Variants in KIDINS220 observed in about 807,000 individuals in gnomAD.
KIDINS220 encodes the protein kinase D-interacting substrate of 220 kDa.
Under a neutral mutation model 157.6 loss-of-function variants are expected in KIDINS220, and 63 were observed. The observed-to-expected ratio is 0.40, with a 90% CI of 0.33 to 0.49. KIDINS220 has a LOEUF of 0.49. KIDINS220 is among the 20% of genes least tolerant of loss of function. The pLI is 0.66. For synonymous variants in KIDINS220, 732 were observed against 783.6 expected (o/e 0.93, Z 1.10); for missense variants, 1,772 against 2,171.2 (o/e 0.82, Z 3.65).
intron 1 of KIDINS220, among the ~76,000 whole-genome samples, chr2:8,831,726 G>A (rs1679650689): frequency 6.6e-6 from 1 of 152,230 alleles, no homozygotes; most frequent in Admixed American, 6.5e-5. Context: ...CACAACAGGA[G>A]GTGAGAGAGA....
chr2:8,723,314 A>G (rs1022071316), downstream of KIDINS220: 3 of 152,298 alleles, frequency 2.0e-5, no homozygotes, highest in Non-Finnish European at 2.9e-5. Context: ...GTGGGTGCAG[A>G]AGGCGGGGCA....
intron 8 of KIDINS220, among the ~76,000 whole-genome samples, chr2:8,800,933 G>C (rs909882384): frequency 6.6e-6 from 1 of 152,126 alleles, no homozygotes; most frequent in African/African-American, 2.4e-5. Flanking sequence ...GAGCTATAAA[G>C]CTAAAACTAT....
rs545077487 is a variant in KIDINS220, at chr2:8,831,954, G to A, written c.-36-4825C>T. Among the ~76,000 whole-genome samples the A allele has an allele frequency of 1.2e-4, 19 of 152,312 alleles. No individual in the cohort carries two copies. The South Asian group carries it at 1.4e-3, about 12-fold the overall frequency. ...CAAAATGCCCAAACATCTTCCTATC[G>A]TGGCTAATATGAAGCATTGCTGCTT... is the stretch of plus-strand genomic sequence containing the variant. On this transcript the variant is annotated intron_variant, in intron 1 of 29. Coordinates refer to ENST00000256707, the MANE Select transcript of KIDINS220 (RefSeq NM_020738.4).
intron 24 of KIDINS220, among the ~76,000 whole-genome samples, chr2:8,748,616 T>TA (rs1666895356): frequency 1.3e-5 from 2 of 152,206 alleles, no homozygotes; most frequent in South Asian, 4.1e-4. Flanking sequence ...CAGCTTCATA[T>TA]AAACAGAAGA....
intron 1 of KIDINS220, among the ~76,000 whole-genome samples, chr2:8,832,858 C>T (rs1679848787): frequency 6.6e-6 from 1 of 152,072 alleles, no homozygotes; most frequent in Admixed American, 6.5e-5. Flanking sequence ...TTACTACTGA[C>T]CATTATATCA....
chr2:8,755,853 C>T (rs1315977991), intron 22 of KIDINS220, among the ~76,000 whole-genome samples: 1 of 152,212 alleles, frequency 6.6e-6, no homozygotes, highest in South Asian at 2.1e-4. Context: ...CATCCTCATG[C>T]CTGTGACACA....
chr2:8,727,134 G>A (rs189906013), downstream of KIDINS220: 22 of 1,121,594 alleles, frequency 2.0e-5, no homozygotes, highest in African/African-American at 1.8e-4. Context: ...GGTAGGGAAG[G>A]ATAGGGAGTA....
chr2:8,747,331 T>C, intron 25 of KIDINS220, 130 bp from the exon 26 acceptor site: 1 of 778,900 alleles, frequency 1.3e-6, no homozygotes, highest in East Asian at 2.5e-5. Context: ...TGCCTCCTGA[T>C]TTATAAAAAC....
At chr2:8,779,199 C>A in intron 18 of KIDINS220, 60 bp from the exon 19 acceptor site, 1 of 1,566,758 alleles carries the variant, frequency 6.4e-7, no homozygotes, top group Non-Finnish European at 8.7e-7. Context: ...AAGAATAAGG[C>A]ATCTCTTCAA....
At chr2:8,778,136 G>A (rs1671221146) in intron 20 of KIDINS220, among the ~76,000 whole-genome samples, 1 of 152,178 alleles carries the variant, frequency 6.6e-6, no homozygotes, top group African/African-American at 2.4e-5. Context: ...AAGATGGGGA[G>A]GTCAGGGACA....
intron 15 of KIDINS220, 86 bp from the exon 16 acceptor site, chr2:8,786,443 C>G (rs144085899): frequency 4.7e-6 from 5 of 1,053,174 alleles, no homozygotes; most frequent in African/African-American, 1.6e-5. Context: ...ATCACTTACC[C>G]TTTATTTTCT....
At chr2:8,768,895 GA>G (rs1414003397) in intron 22 of KIDINS220, among the ~76,000 whole-genome samples, 1 of 151,944 alleles carries the variant, frequency 6.6e-6, no homozygotes, top group African/African-American at 2.4e-5. Context: ...CAATTCATAC[GA>G]ATTATCAATG....
At chr2:8,764,591 A>G (rs553120396) in intron 22 of KIDINS220, among the ~76,000 whole-genome samples, 29 of 152,382 alleles carry the variant, frequency 1.9e-4, no homozygotes, top group Non-Finnish European at 3.4e-4. Flanking sequence ...GTCATCATTC[A>G]GTCAATGTGT....
chr2:8,721,960 A>G (rs887589028), downstream of KIDINS220: 1 of 152,232 alleles, frequency 6.6e-6, no homozygotes, highest in African/African-American at 2.4e-5. Context: ...ATACTTTAGT[A>G]AGTATCCAAA....
intron 12 of KIDINS220, 69 bp downstream of exon 12, chr2:8,793,741 A>G: frequency 6.4e-6 from 9 of 1,415,546 alleles, no homozygotes; most frequent in Non-Finnish European, 8.5e-6. Context: ...GCCTGGCCTT[A>G]TTTTCCATAT....
Position 8,803,056 on chromosome 2 carries a change from C to A in KIDINS220, c.675G>T (p.Arg225Ser). Reference protein sequence around the residue: ...YTQSVKEILKRNPNVNLTDKD... With the variant: ...YTQSVKEILKSNPNVNLTDKD... The stretch of plus-strand genomic sequence containing the variant: ...TATCTGTTAAGTTTACATTTGGATT[C>A]CTCTTCAAAATTTCTTTTACTGACT... The change falls in exon 8 of 30, where the codon AGG becomes AGT. Residue 225 changes from arginine to serine, a missense_variant. By Grantham distance (110) the Arg-to-Ser change is moderately radical. This residue lies in a region of KIDINS220 where 725 missense variants were observed against 1,017.1 expected (regional missense o/e 0.71). Coordinates refer to ENST00000256707, the MANE Select transcript of KIDINS220 (RefSeq NM_020738.4). 6.2e-7 allele frequency: 1 copy of A among 1,613,266 alleles called. No homozygotes were observed. Among genetic ancestry groups the A allele is most frequent in the South Asian group, 1.1e-5 (1 of 91,078 alleles).
At chr2:8,757,170 C>T (rs1668117356) in intron 22 of KIDINS220, 1 of 710,816 alleles carries the variant, frequency 1.4e-6, no homozygotes, top group East Asian at 1.3e-4. Context: ...AAACAAGATG[C>T]AACCATTAGT....
intron 26 of KIDINS220, among the ~76,000 whole-genome samples, chr2:8,745,016 C>T (rs761140217): frequency 2.0e-5 from 3 of 152,154 alleles, no homozygotes; most frequent in Non-Finnish European, 1.5e-5. Context: ...AAGAATCACA[C>T]GATTTCCCCT....
chr2:8,779,417 T>C (rs1193710712), intron 18 of KIDINS220, among the ~76,000 whole-genome samples: 1 of 152,216 alleles, frequency 6.6e-6, no homozygotes, highest in Non-Finnish European at 1.5e-5. Context: ...ATGAGAAACA[T>C]TCATGAATAC....
Sources: allele counts gnomAD v4.1 joint callset (sites outside exome capture counted in the v4.1 genomes callset), GRCh38; gene constraint gnomAD v4.1.1; regional missense constraint gnomAD v4.1.1; transcripts MANE v1.5; gene names NCBI Gene and HGNC (gene_info 2026-07-23, HGNC 2026-07-21).